Variants in MLPH observed in about 807,000 individuals in gnomAD.
MLPH encodes melanophilin, also known as exophilin-3.
In MLPH, 51 loss-of-function variants were observed where a neutral mutation model predicts 72.1. The ratio of observed to expected loss-of-function variants is 0.71; its 90% CI spans 0.56 to 0.89. The LOEUF (loss-of-function observed/expected upper bound fraction) is 0.89, where lower values mean the gene tolerates loss of function less well. Among genes scored for constraint, MLPH ranks in the 40% least tolerant of loss-of-function variants. MLPH has a pLI of 0.00. For missense variants in MLPH, 743 were observed against 759.9 expected, an observed-to-expected ratio of 0.98 and a Z score of 0.26; for synonymous variants, 301 against 310.1, an observed-to-expected ratio of 0.97 and a Z score of 0.31.
chr2:237,494,761 G>A (rs919633252), intron 2 of MLPH, among the ~76,000 whole-genome samples: 11 of 152,204 alleles, frequency 7.2e-5, no homozygotes, highest in African/African-American at 2.4e-4. Flanking sequence ...TGTGTTGAGC[G>A]GGTGTTGGAT....
intron 9 of MLPH, among the ~76,000 whole-genome samples, chr2:237,539,061 A>C (rs1553601656): frequency 1.3e-5 from 2 of 152,106 alleles, no homozygotes; most frequent in South Asian, 2.1e-4. Context: ...GTGGGCGCGC[A>C]GAGGCTGGAG....
intron 1 of MLPH, among the ~76,000 whole-genome samples, chr2:237,490,735 T>C (rs1422394712): frequency 6.6e-6 from 1 of 152,164 alleles, no homozygotes; most frequent in African/African-American, 2.4e-5. Flanking sequence ...ATGCATCAAA[T>C]AATAACTTTT....
rs960036029 is a variant in MLPH at position 237,540,423 on chromosome 2, A to T, written c.1180A>T (p.Ser394Cys). ...ALRRKLEELTSNVSDQETSSE... is the reference protein window; with the variant it reads ...ALRRKLEELTCNVSDQETSSE... ...GAGGAGGAAGCTGGAGGAGCTGACC[A>T]GCAACGTCAGTGACCAGGAGACCTC... The change falls in exon 10 of 16, where the codon AGC becomes TGC. Residue 394 changes from serine to cysteine, a missense_variant. Ser to Cys is a moderately radical substitution (Grantham distance 112). Transcript: ENST00000264605. 1.2e-6 allele frequency: 2 copies of T among 1,613,526 alleles called. No individual in the cohort carries two copies. Among genetic ancestry groups the T allele is most frequent in the African/African-American group, 1.3e-5 (1 of 75,040 alleles).
At position 237,519,982 on chromosome 2, in the gene MLPH, C is replaced by G. The variant is rs770752557; in HGVS notation, c.628C>G (p.His210Asp). ...DSDDSTQPQG[H>D]SLHLSSVPEA... ...AGATGACTCCACTCAGCCTCAAGGT[C>G]ACTCCCTGCACCTGTCCTCAGTCCC... The change falls in exon 6 of 16, where the codon CAC (histidine) becomes GAC (aspartate). Residue 210 changes from histidine (H) to aspartate (D), a missense_variant. His to Asp is a moderately conservative substitution (Grantham distance 81). Coordinates refer to ENST00000264605, the MANE Select transcript of MLPH (RefSeq NM_024101.7). 1.9e-6 allele frequency: 3 copies of G among 1,613,948 alleles called. No individual in the cohort carries two copies. The highest frequency in any genetic ancestry group is 1.3e-5 in the African/African-American group (1 of 74,914).
chr2:237,493,470 C>T lies in MLPH; in HGVS notation c.44C>T (p.Ala15Val). 6.2e-7 allele frequency: 1 copy of T among 1,614,044 alleles called. No homozygotes were observed. Among genetic ancestry groups the T allele is most frequent in the East Asian group, 2.2e-5 (1 of 44,874 alleles). The change falls in exon 2 of 16, where the codon GCC becomes GTC. Residue 15 changes from alanine (A) to valine (V), a missense_variant. Transcript: ENST00000264605. ...LDLSKLTDEE[A>V]QHVLEVVQRD... is the part of the protein sequence containing the mutation. ...CTTTCCAAGCTCACTGATGAAGAGGCCCAGCATGTCTTGGAAGTTGTTCAA... is the reference window on the plus strand; with the variant it reads ...CTTTCCAAGCTCACTGATGAAGAGGTCCAGCATGTCTTGGAAGTTGTTCAA...
chr2:237,513,073 G>A (rs1574853712), intron 4 of MLPH, among the ~76,000 whole-genome samples: 4 of 147,304 alleles, frequency 2.7e-5, no homozygotes, highest in East Asian at 2.0e-4. Context: ...CGCAAGCAAG[G>A]AACACAAACA....
At chr2:237,527,540 T>C in intron 8 of MLPH, 24 bp downstream of exon 8, 1 of 1,613,932 alleles carries the variant, frequency 6.2e-7, no homozygotes, top group African/African-American at 1.3e-5. Flanking sequence ...GAAAGACTTC[T>C]GTCTTGTCGT....
intron 6 of MLPH, among the ~76,000 whole-genome samples, chr2:237,524,301 G>GT (rs1311117659): frequency 3.6e-4 from 40 of 110,686 alleles, no homozygotes; most frequent in African/African-American, 2.6e-3. Flanking sequence ...AGAACTAATA[G>GT]AATATATATA....
At chr2:237,522,295 C>T (rs560095732) in intron 6 of MLPH, among the ~76,000 whole-genome samples, 24 of 67,526 alleles carry the variant, frequency 3.6e-4, no homozygotes, top group African/African-American at 1.9e-3. Context: ...AGTGCTGGAG[C>T]GGAGCAGGGC....
At chr2:237,527,273 T>C (rs2080323991) in intron 7 of MLPH, 104 bp from the exon 8 acceptor site, 4 of 1,419,410 alleles carry the variant, frequency 2.8e-6, no homozygotes, top group Non-Finnish European at 4.0e-6. Context: ...AACATCCTTA[T>C]GTCTTCATTT....
At chr2:237,504,744 G>A (rs571713721) in intron 2 of MLPH, among the ~76,000 whole-genome samples, 63 of 152,228 alleles carry the variant, frequency 4.1e-4, no homozygotes, top group African/African-American at 1.4e-3. Context: ...ACCATCCAGC[G>A]ACCCCTCTAA....
In MLPH at chr2:237,512,836, G is replaced by C. The variant is rs114042710; in HGVS notation, c.445+1735G>C. ...AGGAAGCTGTATTATTTCAAAGGACGCAGTGTTTCCACAGCTCAGCCCAGA... is the reference window on the plus strand; with the variant it reads ...AGGAAGCTGTATTATTTCAAAGGACCCAGTGTTTCCACAGCTCAGCCCAGA... On this transcript the variant is annotated intron_variant, in intron 4 of 15. Transcript: ENST00000264605. The surrounding 1 kb of genome is among the most constrained non-coding windows in gnomAD (Gnocchi z 5.5). Among the ~76,000 whole-genome samples, 1,996 of 152,236 alleles carry C rather than the reference G, an allele frequency of 0.013. 48 individuals are homozygous for C. The highest frequency in any genetic ancestry group is 0.045 in the African/African-American group (1,878 of 41,530).
intron 6 of MLPH, among the ~76,000 whole-genome samples, chr2:237,523,836 G>A (rs1006707202): frequency 3.3e-5 from 5 of 152,146 alleles, no homozygotes; most frequent in African/African-American, 7.2e-5. Flanking sequence ...TACTGATAGC[G>A]GGTAAAGCAA....
At position 237,492,207 on chromosome 2, in the gene MLPH, A is replaced by G. The variant is rs139111961; in HGVS notation, c.-24-1196A>G. ...ATTTTCCTTCCTCTGTCCTTTGGAC[A>G]TTGATTGGGATCAGGTCTGATGAAC... On this transcript the variant is annotated intron_variant, in intron 1 of 15. Coordinates refer to ENST00000264605, the MANE Select transcript of MLPH (RefSeq NM_024101.7). Among the ~76,000 whole-genome samples the G allele has an allele frequency of 7.2e-3, 1,092 of 152,292 alleles. 9 individuals are homozygous for G. Among genetic ancestry groups the G allele is most frequent in the Middle Eastern group, 0.024 (7 of 294 alleles).
Position 237,541,383 on chromosome 2 carries a change from G to A in MLPH, c.1446+426G>A, listed in dbSNP as rs1281522477. Among the ~76,000 whole-genome samples the A allele has an allele frequency of 6.6e-6, 1 of 152,182 alleles. No homozygotes were observed. The highest frequency in any genetic ancestry group is 1.5e-5 in the Non-Finnish European group (1 of 68,038). On this transcript the variant is annotated intron_variant, in intron 11 of 15. Transcript: ENST00000264605. The surrounding 1 kb of genome is among the most constrained non-coding windows in gnomAD (Gnocchi z 5.1). ...TCTGGGTGAGGAACCCATCAATAGT[G>A]CACAAAGGTCAAAGGGCAGAGCCAA...
intron 12 of MLPH, 178 bp from the exon 13 acceptor site, chr2:237,546,428 T>C: frequency 3.0e-6 from 2 of 656,826 alleles, no homozygotes; most frequent in Non-Finnish European, 5.6e-6. Context: ...ATTTGCACAC[T>C]TTGGCGCCCT....
intron 4 of MLPH, among the ~76,000 whole-genome samples, chr2:237,513,889 C>T (rs778324362): frequency 7.9e-5 from 12 of 152,162 alleles, no homozygotes; most frequent in Non-Finnish European, 1.6e-4. Flanking sequence ...CATCTGGGCA[C>T]GTTCGGAGCC....
chr2:237,510,272 A>G lies in MLPH; in HGVS notation c.111-302A>G, dbSNP rs767194108. On this transcript the variant is annotated intron_variant, in intron 2 of 15. Coordinates refer to ENST00000264605, the MANE Select transcript of MLPH (RefSeq NM_024101.7). The surrounding 1 kb of genome is among the most constrained non-coding windows in gnomAD (Gnocchi z 4.4). ...CTGGGGAGGGCGCAGTGACCTGCCA[A>G]CCAAAATTGGTACAATTGTAAACAG... 6 of 430,078 alleles carry G rather than the reference A, an allele frequency of 1.4e-5. No individual in the cohort carries two copies. Among genetic ancestry groups the G allele is most frequent in the Non-Finnish European group, 2.2e-5 (5 of 230,744 alleles). The allele number at this position is 430,078 out of a possible 1,614,324, so 26.6% of individuals were successfully genotyped here. A position where few individuals can be genotyped will look rare whatever the true frequency, so the allele number is the denominator to read the frequency against.
At chr2:237,553,529 G>T (rs760987971) in intron 15 of MLPH, 37 bp from the exon 16 acceptor site, 3 of 1,604,326 alleles carry the variant, frequency 1.9e-6, no homozygotes, top group Middle Eastern at 3.3e-4. Flanking sequence ...CTGTGTATGT[G>T]TGTGCTTATA....
Sources: allele counts gnomAD v4.1 joint callset (sites outside exome capture counted in the v4.1 genomes callset), GRCh38; gene constraint gnomAD v4.1.1; non-coding constraint Gnocchi (gnomAD v3.1); transcripts MANE v1.5; gene names NCBI Gene and HGNC (gene_info 2026-07-23, HGNC 2026-07-21).